BUB1B: variants seen among roughly 807,000 people sequenced by gnomAD.
BUB1B encodes BUB1 mitotic checkpoint serine/threonine kinase B, also known as mitotic checkpoint serine/threonine-protein kinase BUB1 beta.
Under a neutral mutation model 137.7 loss-of-function variants are expected in BUB1B, and 86 were observed. The ratio of observed to expected loss-of-function variants is 0.62; its 90% CI spans 0.52 to 0.75. The LOEUF (loss-of-function observed/expected upper bound fraction) is 0.75, where lower values mean the gene tolerates loss of function less well. BUB1B is among the 30% of genes least tolerant of loss of function. The pLI, the probability that BUB1B is intolerant of heterozygous loss-of-function variation, is 0.00. For missense variants in BUB1B, 1,130 were observed against 1,236.9 expected, an observed-to-expected ratio of 0.91 and a Z score of 1.30; for synonymous variants, 420 against 417.9, an observed-to-expected ratio of 1.00 and a Z score of -0.06.
At chr15:40,172,325 G>A (rs1370620936) in intron 4 of BUB1B, among the ~76,000 whole-genome samples, 1 of 152,108 alleles carries the variant, frequency 6.6e-6, no homozygotes, top group Non-Finnish European at 1.5e-5. Flanking sequence ...ACAGGGCTTA[G>A]GTGTGCCCAC....
At chr15:40,182,061 G>C (rs1476276752) in intron 5 of BUB1B, among the ~76,000 whole-genome samples, 1 of 152,186 alleles carries the variant, frequency 6.6e-6, no homozygotes, top group East Asian at 1.9e-4. Context: ...AAAATTAGCT[G>C]TGCATGGTTG....
At chr15:40,162,169 A>G (rs1340384560) in intron 1 of BUB1B, among the ~76,000 whole-genome samples, 1 of 152,226 alleles carries the variant, frequency 6.6e-6, no homozygotes, top group African/African-American at 2.4e-5. Flanking sequence ...TCAAGACTTG[A>G]AGGAATCTCA....
intron 2 of BUB1B, 95 bp from the exon 3 acceptor site, chr15:40,169,967 T>C (rs1314432154): frequency 4.8e-6 from 5 of 1,031,550 alleles, no homozygotes; most frequent in African/African-American, 1.6e-5. Context: ...TAGATCAATA[T>C]TACCTACTTA....
intron 16 of BUB1B, 78 bp from the exon 17 acceptor site, chr15:40,209,557 T>TC: frequency 6.4e-7 from 1 of 1,556,222 alleles, no homozygotes; most frequent in Non-Finnish European, 8.9e-7. Context: ...TTTTTTTTCT[T>TC]CTACTCTGTT....
chr15:40,213,497 A>G (rs768582262), intron 20 of BUB1B, 23 bp downstream of exon 20: 1 of 1,613,440 alleles, frequency 6.2e-7, no homozygotes, highest in South Asian at 1.1e-5. Flanking sequence ...CATTCTTATA[A>G]TTCTGCCAGC....
At position 40,176,496 on chromosome 15, in the gene BUB1B, C is replaced by A. The variant is rs2037225062; in HGVS notation, c.404C>A (p.Pro135His). Residue 135 changes from proline to histidine, a missense_variant, in exon 5 of 23, where the codon CCT becomes CAT. By Grantham distance (77) the Pro-to-His change is moderately conservative. Coordinates refer to ENST00000287598, the MANE Select transcript of BUB1B (RefSeq NM_001211.6). Reference protein sequence around the residue: ...WLKLGRLCNEPLDMYSYLHNQ... With the variant: ...WLKLGRLCNEHLDMYSYLHNQ... ...TTACAGGGGCGTTTATGCAATGAGCCTTTGGATATGTACAGTTACTTGCAC... is the reference window on the plus strand; with the variant it reads ...TTACAGGGGCGTTTATGCAATGAGCATTTGGATATGTACAGTTACTTGCAC... 3 of 1,614,106 alleles carry A rather than the reference C, an allele frequency of 1.9e-6. No homozygotes were observed. Among genetic ancestry groups the A allele is most frequent in the Non-Finnish European group, 2.5e-6 (3 of 1,180,008 alleles).
intron 2 of BUB1B, among the ~76,000 whole-genome samples, chr15:40,168,074 A>AC (rs2037122013): frequency 6.6e-6 from 1 of 151,958 alleles, no homozygotes. Context: ...GAAAAAGAAA[A>AC]AAAAAAAAAA....
At position 40,176,597 on chromosome 15, in the gene BUB1B, A is replaced by G. The variant is rs2037226561; in HGVS notation, c.505A>G (p.Arg169Gly). 6.2e-7 allele frequency: 1 copy of G among 1,614,148 alleles called. No individual in the cohort carries two copies. The highest frequency in any genetic ancestry group is 8.5e-7 in the Non-Finnish European group (1 of 1,180,012). ...AEEYEARENFRKADAIFQEGI... is the reference protein window; with the variant it reads ...AEEYEARENFGKADAIFQEGI... ...AGAATATGAAGCTAGAGAAAACTTT[A>G]GGAAAGCAGATGCGATATTTCAGGA... The change falls in exon 5 of 23, where the codon AGG becomes GGG. Residue 169 changes from arginine (R) to glycine (G), a missense_variant. Physicochemically the swap from Arg to Gly is moderately radical, Grantham distance 125. Coordinates refer to ENST00000287598, the MANE Select transcript of BUB1B (RefSeq NM_001211.6).
chr15:40,204,230 C>G (rs1334740343), intron 14 of BUB1B, among the ~76,000 whole-genome samples: 2 of 152,096 alleles, frequency 1.3e-5, no homozygotes, highest in African/African-American at 4.8e-5. Context: ...GTATTTTTGT[C>G]TTTTTAAAAA....
At chr15:40,178,108 G>C (rs999186201) in intron 5 of BUB1B, among the ~76,000 whole-genome samples, 1 of 147,794 alleles carries the variant, frequency 6.8e-6, no homozygotes, top group Non-Finnish European at 1.5e-5. Flanking sequence ...CTTCCCGCTT[G>C]CTTTGGATAT....
rs760085736 is a variant in BUB1B, at chr15:40,170,116, G to T, written c.234G>T (p.Trp78Cys). ...CTGGAAATGACCCTCTGGATGTTTG[G>T]GATAGGTGGGTCTTTTTATTTCACA... The part of the protein sequence containing the change: ...FYTGNDPLDV[W>C]DRYISWTEQN... The change falls in exon 3 of 23, where the codon TGG becomes TGT. Residue 78 changes from tryptophan to cysteine, a missense_variant. Coordinates refer to ENST00000287598, the MANE Select transcript of BUB1B (RefSeq NM_001211.6). The T allele has an allele frequency of 5.0e-6, 8 of 1,612,440 alleles. No homozygotes were observed. The Admixed American group carries it at 1.0e-4, about 20-fold the overall frequency.
At chr15:40,201,341 T>C (rs1197758907) in intron 12 of BUB1B, among the ~76,000 whole-genome samples, 1 of 152,156 alleles carries the variant, frequency 6.6e-6, no homozygotes, top group Non-Finnish European at 1.5e-5. Context: ...TTCTTCAAAA[T>C]GTGTTAAAAG....
chr15:40,185,753 C>T, intron 8 of BUB1B, 111 bp downstream of exon 8: 1 of 1,010,854 alleles, frequency 9.9e-7, no homozygotes, highest in Non-Finnish European at 1.5e-6. Flanking sequence ...AGTAACCAGG[C>T]CAGGCGCAGT....
At chr15:40,194,956 A>G (rs369620037) in intron 8 of BUB1B, among the ~76,000 whole-genome samples, 13 of 152,202 alleles carry the variant, frequency 8.5e-5, no homozygotes, top group African/African-American at 2.7e-4. Flanking sequence ...ATCATAGCAG[A>G]GGTGGTACTC....
chr15:40,191,028 C>T (rs2037430717), intron 8 of BUB1B, among the ~76,000 whole-genome samples: 1 of 151,998 alleles, frequency 6.6e-6, no homozygotes, highest in Admixed American at 6.6e-5. Flanking sequence ...GCTGAGATTA[C>T]AGGCTTGTGC....
chr15:40,165,165 G>T lies in BUB1B; in HGVS notation c.148G>T (p.Ala50Ser), dbSNP rs1355489592. 2 of 1,614,214 alleles carry T rather than the reference G, an allele frequency of 1.2e-6. No individual in the cohort carries two copies. The highest frequency in any genetic ancestry group is 1.7e-6 in the Non-Finnish European group (2 of 1,180,040). Residue 50 changes from alanine (A) to serine (S), a missense_variant, in exon 2 of 23, where the codon GCC becomes TCC. Physicochemically the swap from Ala to Ser is moderately conservative, Grantham distance 99. Transcript: ENST00000287598. ...TLQGALAQESACNNTLQQQKR... is the reference protein window; with the variant it reads ...TLQGALAQESSCNNTLQQQKR... ...TCAGGGAGCACTGGCACAAGAATCT[G>T]CCTGTAACAATACTCTTCAGCAGCA...
At chr15:40,218,954 C>G (rs575651805) in intron 22 of BUB1B, among the ~76,000 whole-genome samples, 1 of 152,334 alleles carries the variant, frequency 6.6e-6, no homozygotes, top group African/African-American at 2.4e-5. Flanking sequence ...CTCTGTTGCC[C>G]AGGCTGGAGT....
chr15:40,207,680 G>A (rs2037654273), intron 15 of BUB1B, among the ~76,000 whole-genome samples: 1 of 152,018 alleles, frequency 6.6e-6, no homozygotes, highest in African/African-American at 2.4e-5. Flanking sequence ...GCTGGACATG[G>A]CTTATTCACC....
rs368202270 is a variant in BUB1B, at chr15:40,202,470, G to A, written c.1628+5G>A. On this transcript the variant is annotated splice_donor_5th_base_variant and intron_variant, in intron 13 of 22. Coordinates refer to ENST00000287598, the MANE Select transcript of BUB1B (RefSeq NM_001211.6). ...TTCAGAAAAGAAGAATAAAAGGTACGTTGTTTTTTTGTTTTTTTGGTTTTT... is the reference window on the plus strand; with the variant it reads ...TTCAGAAAAGAAGAATAAAAGGTACATTGTTTTTTTGTTTTTTTGGTTTTT... The A allele has an allele frequency of 1.6e-5, 26 of 1,610,806 alleles. No homozygotes were observed. The highest frequency in any genetic ancestry group is 3.3e-5 in the South Asian group (3 of 90,594).
Sources: allele counts gnomAD v4.1 joint callset (sites outside exome capture counted in the v4.1 genomes callset), GRCh38; gene constraint gnomAD v4.1.1; transcripts MANE v1.5; gene names NCBI Gene and HGNC (gene_info 2026-07-23, HGNC 2026-07-21).